The following ATP13A4 variants were observed in gnomAD, a reference collection of about 807,000 sequenced individuals.
ATP13A4 encodes the protein ATPase 13A4.
Under a neutral mutation model 142.5 loss-of-function variants are expected in ATP13A4, and 114 were observed. That is an observed-to-expected ratio of 0.80 (90% CI 0.69 to 0.93). The LOEUF (loss-of-function observed/expected upper bound fraction) is 0.93, where lower values mean the gene tolerates loss of function less well. Ranked by LOEUF, ATP13A4 falls within the 40% of genes least tolerant of loss-of-function variation. The probability of loss-of-function intolerance (pLI) is 0.00; values close to 1 mark genes in which losing one functional copy is unlikely to be tolerated. For synonymous variants in ATP13A4, 488 were observed against 514.8 expected, an observed-to-expected ratio of 0.95 and a Z score of 0.70; for missense variants, 1,392 against 1,454.0, an observed-to-expected ratio of 0.96 and a Z score of 0.69.
intron 10 of ATP13A4, 142 bp downstream of exon 10, chr3:193,467,174 A>G: frequency 3.8e-6 from 3 of 793,984 alleles, no homozygotes; most frequent in Non-Finnish European, 5.9e-6. Context: ...ATACACAGCT[A>G]CTATATACCC....
At chr3:193,491,640 T>C (rs1050399146) in intron 5 of ATP13A4, among the ~76,000 whole-genome samples, 1 of 152,118 alleles carries the variant, frequency 6.6e-6, no homozygotes, top group Non-Finnish European at 1.5e-5. Flanking sequence ...GGTCTAAATA[T>C]TTTCCTAAAT....
At chr3:193,584,218 G>A (rs1046293874) in intron 1 of ATP13A4, among the ~76,000 whole-genome samples, 15 of 152,160 alleles carry the variant, frequency 9.9e-5, no homozygotes, top group Admixed American at 2.6e-4. Flanking sequence ...AAATCACACG[G>A]ATGCTTACAT....
chr3:193,544,699 G>A (rs760172722), intron 1 of ATP13A4, among the ~76,000 whole-genome samples: 9 of 152,172 alleles, frequency 5.9e-5, no homozygotes, highest in Admixed American at 1.3e-4. Context: ...TACAAAAAGG[G>A]ATCTGGAGGT....
chr3:193,517,468 C>T (rs551564388), intron 1 of ATP13A4, among the ~76,000 whole-genome samples: 1 of 152,246 alleles, frequency 6.6e-6, no homozygotes, highest in African/African-American at 2.4e-5. Context: ...GGCACTACAA[C>T]CAACTGTTTT....
At chr3:193,512,199 C>T (rs923229874) in intron 2 of ATP13A4, among the ~76,000 whole-genome samples, 1 of 152,110 alleles carries the variant, frequency 6.6e-6, no homozygotes, top group African/African-American at 2.4e-5. Context: ...TTGTAGAGTA[C>T]AGTTAAATTA....
intron 2 of ATP13A4, among the ~76,000 whole-genome samples, chr3:193,570,766 T>C (rs1724243936): frequency 6.6e-6 from 1 of 152,144 alleles, no homozygotes; most frequent in Non-Finnish European, 1.5e-5. Context: ...ACCAGTTGTG[T>C]GGTCAGGGGA....
chr3:193,422,023 G>C (rs1715426638), intron 25 of ATP13A4, among the ~76,000 whole-genome samples: 1 of 149,392 alleles, frequency 6.7e-6, no homozygotes, highest in Non-Finnish European at 1.5e-5. Flanking sequence ...TAAAAAACAA[G>C]ACTCATCTAC....
At chr3:193,512,456 C>A (rs1721192509) in intron 2 of ATP13A4, among the ~76,000 whole-genome samples, 1 of 152,124 alleles carries the variant, frequency 6.6e-6, no homozygotes, top group African/African-American at 2.4e-5. Flanking sequence ...AGCCATACAT[C>A]AAATGTCTAG....
chr3:193,550,285 T>C (rs917051161), intron 1 of ATP13A4, among the ~76,000 whole-genome samples: 2 of 151,304 alleles, frequency 1.3e-5, no homozygotes, highest in Non-Finnish European at 2.9e-5. Context: ...GCAAAATAGT[T>C]AGAAAGTGGT....
chr3:193,433,146 A>C (rs1487244782), intron 25 of ATP13A4, among the ~76,000 whole-genome samples: 1 of 152,198 alleles, frequency 6.6e-6, no homozygotes, highest in African/African-American at 2.4e-5. Context: ...CAAAACAACA[A>C]AGACATGTCA....
intron 23 of ATP13A4, among the ~76,000 whole-genome samples, chr3:193,438,077 C>A (rs966436139): frequency 6.6e-6 from 1 of 152,094 alleles, no homozygotes; most frequent in Non-Finnish European, 1.5e-5. Context: ...CGTGATCTGC[C>A]CACCTCGGCC....
Position 193,451,704 on chromosome 3 carries a change from T to C in ATP13A4, c.2027+2397A>G, listed in dbSNP as rs528993512. Among the ~76,000 whole-genome samples, 4 of 152,298 alleles carry C rather than the reference T, an allele frequency of 2.6e-5. No individual in the cohort carries two copies. The South Asian group carries it at 8.3e-4, about 32-fold the overall frequency. Reference sequence around the variant, plus strand: ...TTACATCTCATGTTCTTAAAATCCATGTGACTTTTAAAGGATGAAATATGC... The same window carrying C: ...TTACATCTCATGTTCTTAAAATCCACGTGACTTTTAAAGGATGAAATATGC... On this transcript the variant is annotated intron_variant, in intron 17 of 29. Transcript: ENST00000342695.
intron 14 of ATP13A4, 64 bp downstream of exon 14, chr3:193,459,017 A>C (rs1426280618): frequency 6.3e-7 from 1 of 1,594,356 alleles, no homozygotes; most frequent in Non-Finnish European, 8.6e-7. Flanking sequence ...GATAGCTCTG[A>C]TATTGCCTAT....
chr3:193,449,845 C>G (rs1717168527), intron 17 of ATP13A4, among the ~76,000 whole-genome samples: 1 of 152,156 alleles, frequency 6.6e-6, no homozygotes, highest in South Asian at 2.1e-4. Flanking sequence ...CCCAGACAGA[C>G]GTGGTGGCTC....
chr3:193,575,044 G>C (rs1724363435), intron 2 of ATP13A4, among the ~76,000 whole-genome samples: 1 of 152,158 alleles, frequency 6.6e-6, no homozygotes, highest in African/African-American at 2.4e-5. Context: ...TTCTCTAGGA[G>C]TCCACTTTGT....
intron 11 of ATP13A4, 92 bp downstream of exon 11, chr3:193,465,933 A>T: frequency 6.5e-7 from 1 of 1,535,024 alleles, no homozygotes; most frequent in Non-Finnish European, 9.0e-7. Context: ...CCAGGTTTGT[A>T]AACCACATCC....
chr3:193,527,343 G>C (rs959356832), intron 1 of ATP13A4, among the ~76,000 whole-genome samples: 2 of 152,170 alleles, frequency 1.3e-5, no homozygotes, highest in African/African-American at 4.8e-5. Context: ...ACTGGGTGCA[G>C]TGGCTCTTGC....
Position 193,406,228 on chromosome 3 carries a change from G to C in ATP13A4, c.3378+1085C>G, listed in dbSNP as rs75051342. ...GCTCTTGTTTAGCATATAGAGAGAA[G>C]TTCCAGTACTGAAATTCTGTGTCCT... On this transcript the variant is annotated intron_variant, in intron 29 of 29. Transcript: ENST00000342695. 7.6e-4 allele frequency among the ~76,000 whole-genome samples: 116 copies of C among 152,314 alleles called. 3 individuals carry two copies. In the East Asian group the frequency reaches 0.019, roughly 25 times the overall value.
At chr3:193,403,875 A>G (rs1378324521) in intron 29 of ATP13A4, 3 of 985,290 alleles carry the variant, frequency 3.0e-6, no homozygotes, top group Admixed American at 6.1e-5. Context: ...ATCTTTGCTA[A>G]TTTGAAAGAG....
Sources: gnomAD v4.1 joint callset for allele counts (sites outside exome capture counted in the v4.1 genomes callset) on GRCh38, gnomAD v4.1.1 for gene constraint, MANE v1.5 for transcripts, NCBI Gene and HGNC (gene_info 2026-07-23, HGNC 2026-07-21) for gene names.